SLC23A2: variants seen among roughly 807,000 people sequenced by gnomAD.
SLC23A2 encodes Na(+)/L-ascorbic acid transporter 2.
Under a neutral mutation model 73.3 loss-of-function variants are expected in SLC23A2, and 36 were observed. The observed-to-expected ratio is 0.49, with a 90% confidence interval of 0.38 to 0.65. SLC23A2 has a LOEUF of 0.65. Ranked by LOEUF, SLC23A2 falls within the 30% of genes least tolerant of loss-of-function variation. SLC23A2 has a pLI of 0.00. For missense variants in SLC23A2, 507 were observed against 841.6 expected (o/e 0.60, Z 4.92); for synonymous variants, 343 against 327.3 (o/e 1.05, Z -0.52).
At chr20:4,928,083 G>A (rs1932730598) in intron 3 of SLC23A2, among the ~76,000 whole-genome samples, 1 of 152,102 alleles carries the variant, frequency 6.6e-6, no homozygotes, top group Admixed American at 6.5e-5. Flanking sequence ...CTGTCACCAA[G>A]GATGGCATGC....
intron 6 of SLC23A2, among the ~76,000 whole-genome samples, chr20:4,894,243 A>G (rs1227148853): frequency 2.0e-5 from 3 of 152,110 alleles, no homozygotes; most frequent in Non-Finnish European, 2.9e-5. Context: ...AGGAAAAGGT[A>G]GGGAGGAAGA....
chr20:4,952,502 T>C (rs2087218686), intron 2 of SLC23A2, among the ~76,000 whole-genome samples: 1 of 152,086 alleles, frequency 6.6e-6, no homozygotes, highest in Non-Finnish European at 1.5e-5. Context: ...TAGTTTTAGA[T>C]GTGCATGAGC....
rs199997519 is a variant in SLC23A2, at chr20:4,932,591, T to C, written c.-29A>G. The C allele has an allele frequency of 4.9e-6, 6 of 1,216,418 alleles. No individual in the cohort carries two copies. The highest frequency in any genetic ancestry group is 2.3e-5 in the East Asian group (1 of 43,124). The allele number at this position is 1,216,418 out of a possible 1,614,324, so 75.4% of individuals were successfully genotyped here. A position where few individuals can be genotyped will look rare whatever the true frequency, so the allele number is the denominator to read the frequency against. ...GAGAAACGAGTAGTTTACACAGCCG[T>C]TGGGGAGAGCAGCTGGAAGTGAAGG... is the stretch of plus-strand genomic sequence containing the variant. On this transcript the variant is annotated 5_prime_UTR_variant, in exon 3 of 17. Transcript: ENST00000338244.
At chr20:4,870,682 G>A (rs1568603837) in intron 11 of SLC23A2, among the ~76,000 whole-genome samples, 1 of 152,126 alleles carries the variant, frequency 6.6e-6, no homozygotes, top group Non-Finnish European at 1.5e-5. Context: ...AATAACAACT[G>A]AAAGTGCCCT....
At chr20:4,886,977 C>T (rs1053978951) in intron 6 of SLC23A2, among the ~76,000 whole-genome samples, 4 of 152,304 alleles carry the variant, frequency 2.6e-5, no homozygotes, top group South Asian at 4.1e-4. Flanking sequence ...CAAGCAGTCT[C>T]GTTGCAAGTC....
At chr20:4,987,968 C>G (rs1172817062) in intron 1 of SLC23A2, among the ~76,000 whole-genome samples, 1 of 150,246 alleles carries the variant, frequency 6.7e-6, no homozygotes, top group Admixed American at 6.7e-5. Flanking sequence ...GACAGTTAAA[C>G]CTATTCTGCA....
chr20:4,962,716 T>C (rs1179522506), intron 2 of SLC23A2, among the ~76,000 whole-genome samples: 2 of 152,058 alleles, frequency 1.3e-5, no homozygotes, highest in African/African-American at 2.4e-5. Context: ...AGTTGCTAGA[T>C]GGCCTGGCGC....
At chr20:4,945,771 G>C (rs1269730970) in intron 2 of SLC23A2, among the ~76,000 whole-genome samples, 2 of 152,174 alleles carry the variant, frequency 1.3e-5, no homozygotes, top group Non-Finnish European at 2.9e-5. Context: ...CAGGGGAAAA[G>C]AGTCTGCAAG....
At chr20:4,986,907 T>A (rs1021650563) in intron 1 of SLC23A2, among the ~76,000 whole-genome samples, 2 of 152,056 alleles carry the variant, frequency 1.3e-5, no homozygotes, top group African/African-American at 4.8e-5. Flanking sequence ...GGTATCTACT[T>A]TGGTAAGTCA....
rs193110487 is a variant in SLC23A2 at position 4,859,203 on chromosome 20, C to T, written c.1720+86G>A. ...TGGCTTTGAACTCATTTACTCTTCC[C>T]GTTTTCCATTTCTATTTGGCAAAAA... is the stretch of plus-strand genomic sequence containing the variant. On this transcript the variant is annotated intron_variant, in intron 16 of 16. Transcript: ENST00000338244. The T allele has an allele frequency of 8.8e-4, 710 of 809,804 alleles. 5 individuals carry two copies. The African/African-American group carries it at 0.01, about 12-fold the overall frequency. 50.2% of individuals were successfully genotyped at this position (809,804 alleles called of 1,614,324 possible).
At chr20:4,974,722 G>A (rs1169134852) in intron 1 of SLC23A2, among the ~76,000 whole-genome samples, 1 of 151,946 alleles carries the variant, frequency 6.6e-6, no homozygotes. Context: ...TACAAAAGAG[G>A]CACATGTATG....
At position 4,899,739 on chromosome 20, in the gene SLC23A2, G is replaced by C; in HGVS notation, c.325-27C>G. ...TGTGGGCAGGAAAAGGGTCAGAGGA[G>C]AAACAGTAAACCCTTCCTCATTTAT... is the stretch of plus-strand genomic sequence containing the variant. On this transcript the variant is annotated intron_variant, in intron 5 of 16. Transcript: ENST00000338244. The surrounding 1 kb of genome is among the most constrained non-coding windows in gnomAD (Gnocchi z 4.9). The C allele has an allele frequency of 6.2e-7, 1 of 1,610,254 alleles. No homozygotes were observed. Among genetic ancestry groups the C allele is most frequent in the Non-Finnish European group, 8.5e-7 (1 of 1,176,914 alleles).
intron 3 of SLC23A2, among the ~76,000 whole-genome samples, chr20:4,918,942 T>C (rs2122909243): frequency 6.6e-6 from 1 of 152,346 alleles, no homozygotes; most frequent in African/African-American, 2.4e-5. Context: ...CACACCGTTA[T>C]TTCCTCTTGT....
chr20:4,857,133 T>A lies in SLC23A2; in HGVS notation c.1792A>T (p.Met598Leu), dbSNP rs1929743543. Residue 598 changes from methionine to leucine, a missense_variant, in exon 17 of 17, where the codon ATG (methionine) becomes TTG (leucine). Met to Leu is a conservative substitution (Grantham distance 15). Around this residue, in one of 5 missense-constraint regions of SLC23A2, gnomAD observed 168 missense variants for 302.3 expected, o/e 0.56. Coordinates refer to ENST00000338244, the MANE Select transcript of SLC23A2 (RefSeq NM_005116.6). The surrounding 1 kb of genome is among the most constrained non-coding windows in gnomAD (Gnocchi z 4.0). ...VGKGNKSLDG[M>L]ESYNLPFGMN... Reference sequence around the variant, plus strand: ...CCAAATGGCAAATTGTACGACTCCATGCCGTCGAGTGATTTGTTCCCTTTG... The same window carrying A: ...CCAAATGGCAAATTGTACGACTCCAAGCCGTCGAGTGATTTGTTCCCTTTG... 6.2e-7 allele frequency: 1 copy of A among 1,614,182 alleles called. No individual in the cohort carries two copies. The highest frequency in any genetic ancestry group is 8.5e-7 in the Non-Finnish European group (1 of 1,180,004).
chr20:4,982,139 C>T (rs571133739), intron 1 of SLC23A2, among the ~76,000 whole-genome samples: 4 of 151,818 alleles, frequency 2.6e-5, no homozygotes, highest in South Asian at 4.2e-4. Flanking sequence ...GGATTACAGG[C>T]GTGTATCACC....
At chr20:4,992,171 G>A (rs956506968) in intron 1 of SLC23A2, among the ~76,000 whole-genome samples, 1 of 152,048 alleles carries the variant, frequency 6.6e-6, no homozygotes, top group Non-Finnish European at 1.5e-5. Flanking sequence ...ACTGAGCATA[G>A]GCACTACCAG....
In SLC23A2 at chr20:5,007,070, T is replaced by C. The variant is rs1340799277; in HGVS notation, c.-282+3112A>G. ...TGAAAACAACCTAAACATCCATCGA[T>C]CAGGGAATGGCTGAATGATCTATGA... On this transcript the variant is annotated intron_variant, in intron 1 of 16. Transcript: ENST00000379333. Among the ~76,000 whole-genome samples, 7 of 151,948 alleles carry C rather than the reference T, an allele frequency of 4.6e-5. No homozygotes were observed. The South Asian group carries it at 1.0e-3, about 23-fold the overall frequency.
chr20:4,928,379 A>C lies in SLC23A2; in HGVS notation c.108+4076T>G, dbSNP rs144553807. 1.1e-4 allele frequency among the ~76,000 whole-genome samples: 17 copies of C among 151,642 alleles called. No homozygotes were observed. The East Asian group carries it at 3.3e-3, about 29-fold the overall frequency. On this transcript the variant is annotated intron_variant, in intron 3 of 16. Coordinates refer to ENST00000338244, the MANE Select transcript of SLC23A2 (RefSeq NM_005116.6). ...CTAACAAAACTATCCACAACCCAAA[A>C]CTCCATCCCACAAACTATTCCTTTG... is the stretch of plus-strand genomic sequence containing the variant.
chr20:4,861,798 T>C (rs934872356), intron 15 of SLC23A2, 150 bp downstream of exon 15: 13 of 777,162 alleles, frequency 1.7e-5, no homozygotes, highest in East Asian at 5.0e-5. Flanking sequence ...CAGGTAAGTA[T>C]TGAAAAGTGA....
Sources: gnomAD v4.1 joint callset for allele counts (sites outside exome capture counted in the v4.1 genomes callset) on GRCh38, gnomAD v4.1.1 for gene constraint, gnomAD v4.1.1 regional missense constraint, Gnocchi (gnomAD v3.1) non-coding constraint, MANE v1.5 for transcripts, NCBI Gene and HGNC (gene_info 2026-07-23, HGNC 2026-07-21) for gene names.